The following LTBP1 variants were observed in gnomAD, a reference collection of about 807,000 sequenced individuals.
LTBP1 encodes latent transforming growth factor beta binding protein 1.
In LTBP1, 129 loss-of-function variants were observed where a neutral mutation model predicts 207.6. That is an observed-to-expected ratio of 0.62 (90% confidence interval 0.54 to 0.72). LTBP1 has a LOEUF of 0.72. LTBP1 is among the 30% of genes least tolerant of loss of function. The pLI, the probability that LTBP1 is intolerant of heterozygous loss-of-function variation, is 0.00. For synonymous variants in LTBP1, 963 were observed against 833.7 expected, an observed-to-expected ratio of 1.16 and a Z score of -2.67; for missense variants, 2,281 against 2,217.2, an observed-to-expected ratio of 1.03 and a Z score of -0.58.
intron 24 of LTBP1, among the ~76,000 whole-genome samples, chr2:33,340,587 T>C (rs1306816822): frequency 6.6e-6 from 1 of 152,072 alleles, no homozygotes; most frequent in Non-Finnish European, 1.5e-5. Context: ...TGAGATTTAG[T>C]GATGAGCTGG....
chr2:33,245,322 T>C (rs530152632), intron 10 of LTBP1, among the ~76,000 whole-genome samples: 1 of 152,344 alleles, frequency 6.6e-6, no homozygotes, highest in East Asian at 1.9e-4. Flanking sequence ...TCTTAACTCT[T>C]TGCCCTAAGG....
Position 33,341,429 on chromosome 2 carries a change from C to T in LTBP1, c.3731-1409C>T, listed in dbSNP as rs576144941. Reference sequence around the variant, plus strand: ...GAAAATAAGTTTAAAAGAGAAAATGCGGCCAGGTGCGGTGGCTCAAGCCTG... The same window carrying T: ...GAAAATAAGTTTAAAAGAGAAAATGTGGCCAGGTGCGGTGGCTCAAGCCTG... On this transcript the variant is annotated intron_variant, in intron 24 of 33. Transcript: ENST00000404816. 1.2e-4 allele frequency among the ~76,000 whole-genome samples: 18 copies of T among 151,786 alleles called. No homozygotes were observed. In the South Asian group the frequency reaches 1.5e-3, roughly 12 times the overall value.
At chr2:32,963,206 T>C (rs1679407467) in intron 2 of LTBP1, among the ~76,000 whole-genome samples, 1 of 152,176 alleles carries the variant, frequency 6.6e-6, no homozygotes, top group Non-Finnish European at 1.5e-5. Flanking sequence ...GTTACTGTTA[T>C]TATTAATTGT....
At chr2:33,321,699 A>T (rs1409624698) in intron 24 of LTBP1, among the ~76,000 whole-genome samples, 1 of 152,228 alleles carries the variant, frequency 6.6e-6, no homozygotes, top group Non-Finnish European at 1.5e-5. Flanking sequence ...CTGATGCAGT[A>T]ATGTGTTACA....
At chr2:33,052,989 G>A (rs750354311) in intron 3 of LTBP1, among the ~76,000 whole-genome samples, 4 of 151,764 alleles carry the variant, frequency 2.6e-5, no homozygotes, top group African/African-American at 2.4e-5. Flanking sequence ...ATTCTCTTGC[G>A]TCAGCCTCCC....
intron 5 of LTBP1, among the ~76,000 whole-genome samples, chr2:33,160,342 A>G (rs2084356146): frequency 6.6e-6 from 1 of 152,178 alleles, no homozygotes; most frequent in African/African-American, 2.4e-5. Flanking sequence ...CTTGAATTTA[A>G]TGGAATCCAA....
At chr2:33,335,672 T>C (rs1271286403) in intron 24 of LTBP1, among the ~76,000 whole-genome samples, 7 of 152,194 alleles carry the variant, frequency 4.6e-5, no homozygotes, top group Non-Finnish European at 1.0e-4. Context: ...TAATCGCTTG[T>C]GGGCCAGCAG....
chr2:33,201,474 G>T (rs1400805011), intron 7 of LTBP1, among the ~76,000 whole-genome samples: 63 of 121,758 alleles, frequency 5.2e-4, no homozygotes, highest in Non-Finnish European at 2.1e-4. Context: ...TCTGGGGACT[G>T]TTGTGGGGTG....
chr2:33,197,172 T>C (rs539238047), intron 7 of LTBP1, among the ~76,000 whole-genome samples: 1 of 152,324 alleles, frequency 6.6e-6, no homozygotes, highest in South Asian at 2.1e-4. Flanking sequence ...TCACTAAATC[T>C]CCTATATTCA....
At chr2:33,120,707 C>A (rs2081057339) in intron 4 of LTBP1, among the ~76,000 whole-genome samples, 1 of 152,048 alleles carries the variant, frequency 6.6e-6, no homozygotes, top group Non-Finnish European at 1.5e-5. Flanking sequence ...GGGTATATAT[C>A]CAGTAATGGG....
At chr2:33,320,024 G>T (rs2094331403) in intron 24 of LTBP1, among the ~76,000 whole-genome samples, 1 of 152,168 alleles carries the variant, frequency 6.6e-6, no homozygotes, top group Non-Finnish European at 1.5e-5. Context: ...AACAGCAAAA[G>T]ATCCCCACTT....
At chr2:33,045,018 T>C in intron 3 of LTBP1, among the ~76,000 whole-genome samples, 1 of 152,112 alleles carries the variant, frequency 6.6e-6, no homozygotes, top group Non-Finnish European at 1.5e-5. Flanking sequence ...ATATTAGCCC[T>C]TGTCAGATGG....
intron 3 of LTBP1, among the ~76,000 whole-genome samples, chr2:33,037,729 T>C (rs534546091): frequency 6.6e-6 from 1 of 152,296 alleles, no homozygotes; most frequent in African/African-American, 2.4e-5. Flanking sequence ...ATTTTATTTA[T>C]TTTTTTGAGA....
rs1049775616 is a variant in LTBP1, at chr2:33,247,900, G to T, written c.1999+4116G>T. Reference sequence around the variant, plus strand: ...CTTTCCAGCTTTTCCGTTAATATGGGCTTTCCTTCCAGACTTGATATTTTT... The same window carrying T: ...CTTTCCAGCTTTTCCGTTAATATGGTCTTTCCTTCCAGACTTGATATTTTT... On this transcript the variant is annotated intron_variant, in intron 10 of 33. Transcript: ENST00000404816. Among the ~76,000 whole-genome samples the T allele has an allele frequency of 3.9e-5, 6 of 152,344 alleles. 1 individual carries two copies. In the South Asian group the frequency reaches 1.0e-3, roughly 26 times the overall value.
chr2:33,004,845 G>T (rs219175), intron 2 of LTBP1, among the ~76,000 whole-genome samples: 49,320 of 138,080 alleles, frequency 0.36, 10,108 homozygotes, highest in Non-Finnish European at 0.48. Context: ...AGTATTTATT[G>T]TGGCTAGTAT....
chr2:33,362,074 A>T (rs1374723875), intron 28 of LTBP1, among the ~76,000 whole-genome samples: 1 of 152,204 alleles, frequency 6.6e-6, no homozygotes, highest in Middle Eastern at 3.2e-3. Flanking sequence ...ATATAATTCT[A>T]AAATAAATGT....
At chr2:33,194,897 C>T (rs1573098639) in intron 7 of LTBP1, among the ~76,000 whole-genome samples, 1 of 152,204 alleles carries the variant, frequency 6.6e-6, no homozygotes, top group Admixed American at 6.5e-5. Context: ...GCAGCCAGTG[C>T]TCATAGGCTG....
chr2:33,017,858 C>T (rs987684359), intron 2 of LTBP1, among the ~76,000 whole-genome samples: 16 of 152,078 alleles, frequency 1.1e-4, no homozygotes, highest in South Asian at 4.2e-4. Context: ...CCTTGTGATC[C>T]GCCCACCTCG....
rs1332022344 is a variant in LTBP1 at position 33,342,891 on chromosome 2, A to T, written c.3784A>T (p.Asn1262Tyr). The change falls in exon 25 of 34, where the codon AAT becomes TAT. Residue 1262 changes from asparagine to tyrosine, a missense_variant. Physicochemically the swap from Asn to Tyr is moderately radical, Grantham distance 143. Around this residue, in one of 3 missense-constraint regions of LTBP1, gnomAD observed 1,671 missense variants for 1,634.8 expected, o/e 1.02. Transcript: ENST00000404816. ...TTGTGACAGTCACGGGTTTTGTGACAATACAGCTGGCTCCTTCCGCTGCCT... is the reference window on the plus strand; with the variant it reads ...TTGTGACAGTCACGGGTTTTGTGACTATACAGCTGGCTCCTTCCGCTGCCT... The part of the protein sequence containing the change: ...TVCDSHGFCD[N>Y]TAGSFRCLCY... 3.7e-6 allele frequency: 6 copies of T among 1,614,056 alleles called. No homozygotes were observed. The African/African-American group carries it at 8.0e-5, about 22-fold the overall frequency.
Sources: gnomAD v4.1 joint callset for allele counts (sites outside exome capture counted in the v4.1 genomes callset) on GRCh38, gnomAD v4.1.1 for gene constraint, gnomAD v4.1.1 regional missense constraint, MANE v1.5 for transcripts, NCBI Gene and HGNC (gene_info 2026-07-23, HGNC 2026-07-21) for gene names.